LRP1B: variants seen among roughly 807,000 people sequenced by gnomAD.
LRP1B encodes the protein low-density lipoprotein receptor-related protein 1B.
LRP1B carries 217 observed loss-of-function variants against 556.6 expected under a neutral mutation model. The ratio of observed to expected loss-of-function variants is 0.39; its 90% CI spans 0.35 to 0.44. The LOEUF is 0.44. Among genes scored for constraint, LRP1B ranks in the 20% least tolerant of loss-of-function variants. The pLI is 1.00. For missense variants in LRP1B, 5,053 were observed against 5,620.8 expected, an observed-to-expected ratio of 0.90 and a Z score of 3.23; for synonymous variants, 2,047 against 1,865.8, an observed-to-expected ratio of 1.10 and a Z score of -2.50.
intron 1 of LRP1B, among the ~76,000 whole-genome samples, chr2:142,066,247 G>T (rs961515851): frequency 1.3e-5 from 2 of 149,120 alleles, no homozygotes; most frequent in Non-Finnish European, 3.0e-5. Context: ...ATTAAAGTAA[G>T]CCAAGAATTA....
At chr2:141,703,061 T>C (rs1464361170) in intron 2 of LRP1B, among the ~76,000 whole-genome samples, 1 of 151,932 alleles carries the variant, frequency 6.6e-6, no homozygotes, top group Non-Finnish European at 1.5e-5. Flanking sequence ...AAACAGAACA[T>C]TTTCAACATC....
At chr2:140,709,236 T>C (rs1038584057) in intron 37 of LRP1B, among the ~76,000 whole-genome samples, 2 of 152,068 alleles carry the variant, frequency 1.3e-5, no homozygotes, top group African/African-American at 4.8e-5. Context: ...AAAATTACAG[T>C]ATGTGTTTCA....
intron 84 of LRP1B, among the ~76,000 whole-genome samples, chr2:140,291,039 A>G (rs1683348471): frequency 6.6e-6 from 1 of 151,930 alleles, no homozygotes; most frequent in African/African-American, 2.4e-5. Flanking sequence ...GAAAGGATAC[A>G]TATTCACATA....
intron 43 of LRP1B, among the ~76,000 whole-genome samples, chr2:140,566,394 T>C (rs956727007): frequency 6.6e-6 from 1 of 152,128 alleles, no homozygotes; most frequent in African/African-American, 2.4e-5. Flanking sequence ...GGAGCTAAAG[T>C]TGTTCACCTC....
At chr2:140,650,671 T>C (rs758180734) in intron 41 of LRP1B, among the ~76,000 whole-genome samples, 1 of 152,048 alleles carries the variant, frequency 6.6e-6, no homozygotes, top group African/African-American at 2.4e-5. Context: ...ATTTTAAAGA[T>C]TGGCCTGCTG....
intron 7 of LRP1B, among the ~76,000 whole-genome samples, chr2:141,159,746 T>C (rs1425219947): frequency 3.9e-5 from 6 of 152,322 alleles, no homozygotes; most frequent in African/African-American, 1.2e-4. Flanking sequence ...AGGCAAAAGA[T>C]GTATTGTTCA....
intron 3 of LRP1B, among the ~76,000 whole-genome samples, chr2:141,256,837 A>G (rs373908): frequency 0.37 from 55,840 of 151,682 alleles, 10,315 homozygotes; most frequent in South Asian, 0.47. Flanking sequence ...GGAGATATCA[A>G]TTTGGAAGTC....
intron 20 of LRP1B, among the ~76,000 whole-genome samples, chr2:140,925,446 C>A (rs766013842): frequency 6.6e-6 from 1 of 152,060 alleles, no homozygotes. Flanking sequence ...AATGAAAGGG[C>A]TTTTTTTCTT....
chr2:141,472,943 T>C (rs554135499), intron 3 of LRP1B, among the ~76,000 whole-genome samples: 5 of 152,210 alleles, frequency 3.3e-5, no homozygotes, highest in Non-Finnish European at 7.3e-5. Context: ...AGGAATTAAC[T>C]TCCAATCAAC....
intron 11 of LRP1B, among the ~76,000 whole-genome samples, chr2:141,022,308 G>A (rs1698088041): frequency 6.6e-6 from 1 of 151,002 alleles, no homozygotes. Context: ...TTCTGTTATA[G>A]GGAGAATGAT....
intron 51 of LRP1B, among the ~76,000 whole-genome samples, chr2:140,513,493 TGAC>T (rs879325711): frequency 5.5e-5 from 4 of 73,132 alleles, no homozygotes; most frequent in Non-Finnish European, 9.4e-5. Flanking sequence ...AATTGATTAC[TGAC>T]TTTTTTTCTT....
At chr2:140,742,719 C>T (rs1032335737) in intron 35 of LRP1B, among the ~76,000 whole-genome samples, 9 of 151,940 alleles carry the variant, frequency 5.9e-5, no homozygotes, top group East Asian at 3.9e-4. Flanking sequence ...ATTACAGGTG[C>T]GAGCTCTATG....
intron 3 of LRP1B, among the ~76,000 whole-genome samples, chr2:141,417,797 T>A (rs1410939398): frequency 6.6e-6 from 1 of 151,656 alleles, no homozygotes; most frequent in East Asian, 1.9e-4. Flanking sequence ...CATACTGTTT[T>A]AGATAGGAGC....
At chr2:141,529,054 T>C (rs1250224290) in intron 2 of LRP1B, among the ~76,000 whole-genome samples, 3 of 152,192 alleles carry the variant, frequency 2.0e-5, no homozygotes, top group Admixed American at 6.6e-5. Flanking sequence ...TGATGATTAT[T>C]AGTGTCCGAC....
At chr2:141,260,409 G>T (rs941427174) in intron 3 of LRP1B, among the ~76,000 whole-genome samples, 2 of 152,098 alleles carry the variant, frequency 1.3e-5, no homozygotes, top group Non-Finnish European at 2.9e-5. Context: ...AAATGTATGC[G>T]AGTATATGAT....
intron 43 of LRP1B, among the ~76,000 whole-genome samples, chr2:140,582,613 G>T (rs1574105068): frequency 6.6e-6 from 1 of 152,112 alleles, no homozygotes; most frequent in Non-Finnish European, 1.5e-5. Context: ...TGCCATGCGA[G>T]GAAACCATGT....
chr2:140,808,385 A>T (rs1477790803), intron 32 of LRP1B, among the ~76,000 whole-genome samples: 2 of 152,172 alleles, frequency 1.3e-5, no homozygotes, highest in Non-Finnish European at 2.9e-5. Context: ...TAATATAAAA[A>T]CTGTAAAATC....
At chr2:141,168,430 TCA>T (rs1303898198) in intron 7 of LRP1B, among the ~76,000 whole-genome samples, 1 of 152,036 alleles carries the variant, frequency 6.6e-6, no homozygotes, top group East Asian at 1.9e-4. Context: ...TATTAAATAA[TCA>T]CACTCAGTCA....
chr2:141,669,686 C>T (rs1195377943), intron 2 of LRP1B, among the ~76,000 whole-genome samples: 1 of 138,808 alleles, frequency 7.2e-6, no homozygotes, highest in African/African-American at 2.7e-5. Flanking sequence ...AAGTTTGCTA[C>T]TTCTGCATTA....
Sources: allele counts gnomAD v4.1 joint callset (sites outside exome capture counted in the v4.1 genomes callset), GRCh38; gene constraint gnomAD v4.1.1; transcripts MANE v1.5; gene names NCBI Gene and HGNC (gene_info 2026-07-23, HGNC 2026-07-21).